The following FLRT2 variants were observed in gnomAD, a reference collection of about 807,000 sequenced individuals.
FLRT2 encodes the protein leucine-rich repeat transmembrane protein FLRT2.
In FLRT2, 15 loss-of-function variants were observed where a neutral mutation model predicts 40.0. That is an observed-to-expected ratio of 0.38 (90% CI 0.25 to 0.58). The LOEUF (loss-of-function observed/expected upper bound fraction) is 0.58. FLRT2 is among the 20% of genes least tolerant of loss of function. The pLI is 0.71. For missense variants in FLRT2, 726 were observed against 840.0 expected (o/e 0.86, Z 1.68); for synonymous variants, 380 against 336.8 (o/e 1.13, Z -1.41).
rs527888211 is a variant in FLRT2, at chr14:85,599,703, C to T, written c.-376-21436C>T. Among the ~76,000 whole-genome samples the T allele has an allele frequency of 4.3e-4, 65 of 151,830 alleles. 1 individual carries two copies. Among genetic ancestry groups the T allele is most frequent in the African/African-American group, 1.4e-3 (59 of 41,162 alleles). ...TCTCCTTCTCTCTCTTTTCTTTCCT[C>T]CCCCCGTCTTTCCTTCTTTCCTCCT... is the stretch of plus-strand genomic sequence containing the variant. On this transcript the variant is annotated intron_variant, in intron 1 of 1. Coordinates refer to ENST00000330753, the MANE Select transcript of FLRT2 (RefSeq NM_013231.6).
At chr14:85,579,836 T>C (rs939417057) in intron 1 of FLRT2, among the ~76,000 whole-genome samples, 1 of 151,860 alleles carries the variant, frequency 6.6e-6, no homozygotes, top group Non-Finnish European at 1.5e-5. Flanking sequence ...GCGATGCCAC[T>C]GGGATACTAG....
chr14:85,555,635 G>C (rs1380177200), intron 1 of FLRT2, among the ~76,000 whole-genome samples: 1 of 151,668 alleles, frequency 6.6e-6, no homozygotes, highest in Non-Finnish European at 1.5e-5. Flanking sequence ...GGTTTGGGTG[G>C]GCACACAGCC....
In FLRT2 at chr14:85,627,683, C is replaced by T. The variant is rs1447499374; in HGVS notation, c.*4186C>T. The stretch of plus-strand genomic sequence containing the variant: ...GGTGAAGGCATTGCCAAGTGTGTGT[C>T]GCTCATAGGACTAGTGTATATTCAC... On this transcript the variant is annotated 3_prime_UTR_variant, in exon 2 of 2. Coordinates refer to ENST00000330753, the MANE Select transcript of FLRT2 (RefSeq NM_013231.6). 8 of 167,030 alleles carry T rather than the reference C, an allele frequency of 4.8e-5. No homozygotes were observed. Among genetic ancestry groups the T allele is most frequent in the Admixed American group, 2.0e-4 (3 of 15,278 alleles). 10.3% of individuals were successfully genotyped at this position (167,030 alleles called of 1,614,324 possible). A position where few individuals can be genotyped will look rare whatever the true frequency, so the allele number is the denominator to read the frequency against.
intron 1 of FLRT2, among the ~76,000 whole-genome samples, chr14:85,608,502 A>C (rs1595081140): frequency 6.6e-6 from 1 of 152,096 alleles, no homozygotes; most frequent in Non-Finnish European, 1.5e-5. Flanking sequence ...CCAAAGTGCT[A>C]GGATTACAGG....
chr14:85,539,247 G>C (rs1888843001), intron 1 of FLRT2, among the ~76,000 whole-genome samples: 1 of 151,866 alleles, frequency 6.6e-6, no homozygotes, highest in South Asian at 2.1e-4. Flanking sequence ...CCAGAAAGAA[G>C]TTAAGGGCTA....
chr14:85,572,213 C>T (rs988442791), intron 1 of FLRT2, among the ~76,000 whole-genome samples: 1 of 152,066 alleles, frequency 6.6e-6, no homozygotes, highest in Admixed American at 6.6e-5. Context: ...TTATCTAAGT[C>T]CTACTCCTCT....
chr14:85,622,971 G>A lies in FLRT2; in HGVS notation c.1457G>A (p.Arg486Gln), dbSNP rs17646457. Residue 486 changes from arginine (R) to glutamine (Q), a missense_variant, in exon 2 of 2, where the codon CGA becomes CAA. By Grantham distance (43) the Arg-to-Gln change is conservative (BLOSUM62 1). Transcript: ENST00000330753. Reference protein sequence around the residue: ...QHLSLVNLEPRSTYRICLVPL... With the variant: ...QHLSLVNLEPQSTYRICLVPL... ...CTGAGCCTGGTTAACTTAGAGCCCC[G>A]ATCCACCTATCGGATTTGTTTAGTG... 236,844 of 1,614,050 alleles carry A rather than the reference G, an allele frequency of 0.15. 18,735 individuals carry two copies. The highest frequency in any genetic ancestry group is 0.21 in the Admixed American group (12,394 of 60,012).
intron 1 of FLRT2, among the ~76,000 whole-genome samples, chr14:85,538,334 A>G (rs1888792575): frequency 6.6e-6 from 1 of 152,178 alleles, no homozygotes; most frequent in African/African-American, 2.4e-5. Context: ...TTCTGCTGAT[A>G]CTTACTAAGG....
chr14:85,620,196 T>TTTTATAAA (rs1893317448), intron 1 of FLRT2, among the ~76,000 whole-genome samples: 1 of 152,236 alleles, frequency 6.6e-6, no homozygotes, highest in Non-Finnish European at 1.5e-5. Flanking sequence ...TACATGCTTC[T>TTTTATAAA]GTTCACTACG....
chr14:85,562,566 T>G (rs1890402861), intron 1 of FLRT2: 1 of 151,934 alleles, frequency 6.6e-6, no homozygotes, highest in African/African-American at 2.4e-5. Flanking sequence ...GTCTATAATG[T>G]TAGTTACTTG....
At chr14:85,602,685 C>T (rs1041511220) in intron 1 of FLRT2, among the ~76,000 whole-genome samples, 1 of 152,076 alleles carries the variant, frequency 6.6e-6, no homozygotes, top group Non-Finnish European at 1.5e-5. Flanking sequence ...GTGATTTTTG[C>T]CCTGTTAACT....
In FLRT2 at chr14:85,639,414, G is replaced by C. The variant is rs939270238; in HGVS notation, c.*15917G>C. 6.6e-6 allele frequency: 1 copy of C among 152,134 alleles called. No individual in the cohort carries two copies. Among genetic ancestry groups the C allele is most frequent in the Admixed American group, 6.5e-5 (1 of 15,272 alleles). 9.4% of individuals were successfully genotyped at this position (152,134 alleles called of 1,614,324 possible). ...AGTAGTTTACCGGGTTGGGCAAAAAGAGGATGAGTATTAAAGGTCATTAGG... is the reference window on the plus strand; with the variant it reads ...AGTAGTTTACCGGGTTGGGCAAAAACAGGATGAGTATTAAAGGTCATTAGG... On this transcript the variant is annotated 3_prime_UTR_variant, in exon 2 of 2. Transcript: ENST00000330753.
rs1888704126 is a variant in FLRT2 at position 85,537,056 on chromosome 14, GTA to G, written c.-377+6526_-377+6527del. Among the ~76,000 whole-genome samples the G allele has an allele frequency of 2.0e-5, 3 of 152,288 alleles. No individual in the cohort carries two copies. In the South Asian group the frequency reaches 6.2e-4, roughly 32 times the overall value. ...TAACTAGACTTCATGGTAGCTGTGTGTATATGTCTTTAAATTCTGCTGTGCTT... is the reference window on the plus strand; with the variant it reads ...TAACTAGACTTCATGGTAGCTGTGTGTATGTCTTTAAATTCTGCTGTGCTT... On this transcript the variant is annotated intron_variant, in intron 1 of 1. Transcript: ENST00000330753.
chr14:85,548,127 A>G (rs1327100863), intron 1 of FLRT2, among the ~76,000 whole-genome samples: 1 of 152,198 alleles, frequency 6.6e-6, no homozygotes, highest in Non-Finnish European at 1.5e-5. Flanking sequence ...ATAATGCTGA[A>G]TAAATGTTTG....
intron 1 of FLRT2, among the ~76,000 whole-genome samples, chr14:85,531,587 T>C (rs1390794522): frequency 2.6e-5 from 4 of 152,198 alleles, no homozygotes; most frequent in Non-Finnish European, 4.4e-5. Flanking sequence ...CTAGAGCGTG[T>C]GGTGCTCCTG....
Position 85,634,470 on chromosome 14 carries a change from GA to G in FLRT2, c.*10975del, listed in dbSNP as rs985430224. 46 of 152,322 alleles carry G rather than the reference GA, an allele frequency of 3.0e-4. No individual in the cohort carries two copies. Among genetic ancestry groups the G allele is most frequent in the African/African-American group, 9.6e-4 (40 of 41,566 alleles). The allele number at this position is 152,322 out of a possible 1,614,324, so 9.4% of individuals were successfully genotyped here. On this transcript the variant is annotated 3_prime_UTR_variant, in exon 2 of 2. Transcript: ENST00000330753. ...TTACTAGTGTATCTGAAGTAAGGAG[GA>G]AGCAGGAAGTGAGCTGTTTTGTAAT...
chr14:85,622,686 C>T lies in FLRT2; in HGVS notation c.1172C>T (p.Pro391Leu). Residue 391 changes from proline (P) to leucine (L), a missense_variant, in exon 2 of 2, where the codon CCT becomes CTT. Physicochemically the swap from Pro to Leu is moderately conservative, Grantham distance 98. Coordinates refer to ENST00000330753, the MANE Select transcript of FLRT2 (RefSeq NM_013231.6). ...TQPPTLSIPNPSRSYTPPTPT... is the reference protein window; with the variant it reads ...TQPPTLSIPNLSRSYTPPTPT... ...CCTCCCACCCTCTCTATTCCAAACC[C>T]TAGCAGAAGCTACACGCCTCCAACT... 3 of 1,614,108 alleles carry T rather than the reference C, an allele frequency of 1.9e-6. No individual in the cohort carries two copies. Among genetic ancestry groups the T allele is most frequent in the Non-Finnish European group, 2.5e-6 (3 of 1,180,034 alleles).
chr14:85,616,406 G>A (rs1893135405), intron 1 of FLRT2, among the ~76,000 whole-genome samples: 1 of 151,958 alleles, frequency 6.6e-6, no homozygotes, highest in East Asian at 1.9e-4. Flanking sequence ...TAGACTTATA[G>A]GTGACATGCC....
intron 1 of FLRT2, among the ~76,000 whole-genome samples, chr14:85,579,283 A>G (rs1891282321): frequency 6.6e-6 from 1 of 151,898 alleles, no homozygotes; most frequent in African/African-American, 2.4e-5. Context: ...CTTTTTATGT[A>G]TTTATTTTTA....
Sources: allele counts gnomAD v4.1 joint callset (sites outside exome capture counted in the v4.1 genomes callset), GRCh38; gene constraint gnomAD v4.1.1; transcripts MANE v1.5; gene names NCBI Gene and HGNC (gene_info 2026-07-23, HGNC 2026-07-21).